SOX6: variants seen among roughly 807,000 people sequenced by gnomAD.
SOX6 encodes SRY-box transcription factor 6.
Under a neutral mutation model 97.8 loss-of-function variants are expected in SOX6, and 11 were observed. The observed-to-expected ratio is 0.11, with a 90% confidence interval of 0.07 to 0.19. The LOEUF (loss-of-function observed/expected upper bound fraction) is 0.19. Among genes scored for constraint, SOX6 ranks in the 10% least tolerant of loss-of-function variants. The pLI is 1.00. For synonymous variants in SOX6, 360 were observed against 371.4 expected (o/e 0.97, Z 0.35); for missense variants, 810 against 1,039.5 (o/e 0.78, Z 3.04).
intron 15 of SOX6, among the ~76,000 whole-genome samples, chr11:15,980,836 T>C (rs1380047927): frequency 6.6e-6 from 1 of 152,062 alleles, no homozygotes; most frequent in Non-Finnish European, 1.5e-5. Context: ...TAGTAGTTCA[T>C]TAAATGTTAT....
chr11:16,229,663 A>G (rs1413785893), intron 4 of SOX6, among the ~76,000 whole-genome samples: 2 of 151,942 alleles, frequency 1.3e-5, no homozygotes, highest in African/African-American at 4.8e-5. Context: ...AAATCTCATG[A>G]GATATACAAT....
In SOX6 at chr11:16,055,850, T is replaced by C. The variant is rs1037288142; in HGVS notation, c.1153A>G (p.Met385Val). The C allele has an allele frequency of 8.1e-6, 13 of 1,613,700 alleles. No individual in the cohort carries two copies. The highest frequency in any genetic ancestry group is 6.7e-5 in the Admixed American group (4 of 59,908). ...TTTGGTGGCTGTGGAGTTGATGGCATCTTTGCTCCAGGTGACACCTGCATG... is the reference window on the plus strand; with the variant it reads ...TTTGGTGGCTGTGGAGTTGATGGCACCTTTGCTCCAGGTGACACCTGCATG... ...ASMQVSPGAKMPSTPQPPNTA... is the reference protein window; with the variant it reads ...ASMQVSPGAKVPSTPQPPNTA... The change falls in exon 10 of 16, where the codon ATG becomes GTG. Residue 385 changes from methionine (M) to valine (V), a missense_variant. Met to Val is a conservative substitution (Grantham distance 21). Transcript: ENST00000683767.
chr11:16,584,654 C>A (rs966516338), intron 4 of SOX6, among the ~76,000 whole-genome samples: 2 of 152,178 alleles, frequency 1.3e-5, no homozygotes, highest in Admixed American at 6.5e-5. Flanking sequence ...CAAAAAGGAA[C>A]CTTCTGGGAC....
At chr11:16,297,642 G>A (rs189414890) in intron 3 of SOX6, among the ~76,000 whole-genome samples, 8 of 152,288 alleles carry the variant, frequency 5.3e-5, no homozygotes, top group Admixed American at 6.5e-5. Context: ...AGAAATGACA[G>A]ACCACTGCAC....
intron 3 of SOX6, among the ~76,000 whole-genome samples, chr11:16,678,673 G>A (rs1317908509): frequency 6.6e-6 from 1 of 152,130 alleles, no homozygotes; most frequent in South Asian, 2.1e-4. Flanking sequence ...AAGTGCAAGG[G>A]GTCAGGGGAT....
intron 3 of SOX6, among the ~76,000 whole-genome samples, chr11:16,287,990 C>G (rs980347243): frequency 6.6e-6 from 1 of 152,080 alleles, no homozygotes; most frequent in Non-Finnish European, 1.5e-5. Context: ...TGGAATTGAG[C>G]CAAACTTCCT....
chr11:16,303,713 A>T (rs1353570761), intron 3 of SOX6, among the ~76,000 whole-genome samples: 1 of 152,174 alleles, frequency 6.6e-6, no homozygotes, highest in African/African-American at 2.4e-5. Context: ...TTTGGGGGAA[A>T]ACTGTCATTT....
intron 3 of SOX6, among the ~76,000 whole-genome samples, chr11:16,641,646 T>C (rs1176687003): frequency 7.9e-5 from 12 of 152,384 alleles, no homozygotes; most frequent in African/African-American, 2.6e-4. Context: ...AATTGGTCCC[T>C]TTACCATTAT....
chr11:16,659,956 T>C (rs1047806619), intron 3 of SOX6, among the ~76,000 whole-genome samples: 1 of 152,140 alleles, frequency 6.6e-6, no homozygotes, highest in African/African-American at 2.4e-5. Flanking sequence ...GTTCATGGAA[T>C]CAGTATAGTT....
rs1854927276 is a variant in SOX6 at position 16,291,809 on chromosome 11, T to A, written c.445+26637A>T. Reference sequence around the variant, plus strand: ...TTTGTTGGTATTAATGTAATAAATATGTACTGTAAATGATGATAACTTAAG... The same window carrying A: ...TTTGTTGGTATTAATGTAATAAATAAGTACTGTAAATGATGATAACTTAAG... On this transcript the variant is annotated intron_variant, in intron 3 of 15. Transcript: ENST00000683767. 2.0e-5 allele frequency among the ~76,000 whole-genome samples: 3 copies of A among 152,210 alleles called. No individual in the cohort carries two copies. In the South Asian group the frequency reaches 6.2e-4, roughly 32 times the overall value.
chr11:16,144,117 C>G (rs1209543163), intron 6 of SOX6, among the ~76,000 whole-genome samples: 2 of 152,140 alleles, frequency 1.3e-5, no homozygotes, highest in Non-Finnish European at 2.9e-5. Flanking sequence ...CACTCCGCAG[C>G]AAATGTAAAA....
chr11:16,116,291 A>C (rs1849346414), intron 6 of SOX6, among the ~76,000 whole-genome samples: 1 of 152,180 alleles, frequency 6.6e-6, no homozygotes, highest in African/African-American at 2.4e-5. Context: ...ATCTCATTTA[A>C]TCCTCAAAAC....
Position 15,969,162 on chromosome 11 carries a change from T to A in SOX6, c.*3647A>T, listed in dbSNP as rs919213943. 11 of 151,486 alleles carry A rather than the reference T, an allele frequency of 7.3e-5. No individual in the cohort carries two copies. The highest frequency in any genetic ancestry group is 5.3e-4 in the Admixed American group (8 of 15,192). 9.4% of individuals were successfully genotyped at this position (151,486 alleles called of 1,614,324 possible). ...GAGAACCCTGACCCTGTAAGTTCTT[T>A]AACAAAATGGAGATAATTTTTATTT... On this transcript the variant is annotated 3_prime_UTR_variant, in exon 16 of 16. Transcript: ENST00000683767.
At chr11:16,230,976 G>A (rs1236146520) in intron 4 of SOX6, among the ~76,000 whole-genome samples, 1 of 151,654 alleles carries the variant, frequency 6.6e-6, no homozygotes, top group Non-Finnish European at 1.5e-5. Context: ...TAGATATTTG[G>A]TTAACTGCTT....
intron 4 of SOX6, among the ~76,000 whole-genome samples, chr11:16,191,857 T>G (rs1851640731): frequency 6.8e-6 from 1 of 147,702 alleles, no homozygotes; most frequent in East Asian, 1.9e-4. Context: ...TTTTTTCTTT[T>G]TTTTCTTTTT....
At chr11:16,347,911 T>C (rs1856813611) in intron 1 of SOX6, among the ~76,000 whole-genome samples, 1 of 152,034 alleles carries the variant, frequency 6.6e-6, no homozygotes, top group Non-Finnish European at 1.5e-5. Context: ...GGTCCTCCTT[T>C]AGCTAAATAA....
chr11:16,653,190 A>G (rs1293596043), intron 3 of SOX6, among the ~76,000 whole-genome samples: 1 of 152,222 alleles, frequency 6.6e-6, no homozygotes, highest in East Asian at 1.9e-4. Flanking sequence ...TAGTACAACC[A>G]CTATGGAAAA....
chr11:16,240,088 T>C (rs1853139107), intron 3 of SOX6, among the ~76,000 whole-genome samples: 1 of 152,078 alleles, frequency 6.6e-6, no homozygotes, highest in Non-Finnish European at 1.5e-5. Flanking sequence ...AATGTTGTGC[T>C]AAATTAGAAC....
At chr11:16,105,398 C>G (rs6486273) in intron 7 of SOX6, among the ~76,000 whole-genome samples, 3,655 of 151,972 alleles carry the variant, frequency 0.024, 147 homozygotes, top group African/African-American at 0.083. Flanking sequence ...ATGATGAAAC[C>G]TATTTATAAA....
Sources: allele counts gnomAD v4.1 joint callset (sites outside exome capture counted in the v4.1 genomes callset), GRCh38; gene constraint gnomAD v4.1.1; transcripts MANE v1.5; gene names NCBI Gene and HGNC (gene_info 2026-07-23, HGNC 2026-07-21).